The following WNK2 variants were observed in gnomAD, a reference collection of about 807,000 sequenced individuals.
WNK2 encodes WNK lysine deficient protein kinase 2, also known as serine/threonine-protein kinase WNK2.
Under a neutral mutation model 192.1 loss-of-function variants are expected in WNK2, and 67 were observed. That is an observed-to-expected ratio of 0.35 (90% CI 0.29 to 0.43). The LOEUF is 0.43. WNK2 is among the 20% of genes least tolerant of loss of function. WNK2 has a pLI of 1.00. For synonymous variants in WNK2, 1,439 were observed against 1,393.9 expected (o/e 1.03, Z -0.72); for missense variants, 2,698 against 3,089.7 (o/e 0.87, Z 3.01).
Position 93,229,377 on chromosome 9 carries a change from G to A in WNK2, c.682-319G>A, listed in dbSNP as rs1838350761. Among the ~76,000 whole-genome samples the A allele has an allele frequency of 6.6e-6, 1 of 152,238 alleles. No homozygotes were observed. The highest frequency in any genetic ancestry group is 2.1e-4 in the South Asian group (1 of 4,838). ...ACAAACACACAGAAAGTGAGTGATT[G>A]TGGAGGAGGCAAAGGCCTCAGAGGT... On this transcript the variant is annotated intron_variant, in intron 2 of 29. Coordinates refer to ENST00000427277, the MANE Select transcript of WNK2 (RefSeq NM_006648.4). This position sits in a 1 kb window ranked among gnomAD's most constrained non-coding sequence, Gnocchi z 4.9.
chr9:93,308,316 G>A lies in WNK2; in HGVS notation c.6260-12G>A, dbSNP rs1257937161. On this transcript the variant is annotated splice_polypyrimidine_tract_variant and intron_variant, in intron 27 of 29. Coordinates refer to ENST00000427277, the MANE Select transcript of WNK2 (RefSeq NM_006648.4). ...TGGCGTCACCAATCCTGGCCTGTGT[G>A]TGACTCCCCAGGGTCCTCCACCAGC... 1.3e-6 allele frequency: 2 copies of A among 1,551,088 alleles called. No individual in the cohort carries two copies. Among genetic ancestry groups the A allele is most frequent in the East Asian group, 2.4e-5 (1 of 40,984 alleles).
Position 93,253,007 on chromosome 9 carries a change from C to A in WNK2, c.1959C>A (p.Ser653Arg). 6.4e-7 allele frequency: 1 copy of A among 1,558,258 alleles called. No individual in the cohort carries two copies. The highest frequency in any genetic ancestry group is 1.4e-5 in the African/African-American group (1 of 73,350). Residue 653 changes from serine to arginine, a missense_variant, in exon 9 of 30, where the codon AGC becomes AGA. This residue lies in a region of WNK2 where 893 missense variants were observed against 909.0 expected (regional missense o/e 0.98). Coordinates refer to ENST00000427277, the MANE Select transcript of WNK2 (RefSeq NM_006648.4). ...AAPSPAQCVC[S>R]PPVSEGPVLP... ...CGTCCCCGGCCCAGTGTGTGTGCAG[C>A]CCCCCTGTGAGCGAGGGGCCCGTCC...
At position 93,259,249 on chromosome 9, in the gene WNK2, T is replaced by A. The variant is rs749765021; in HGVS notation, c.2701T>A (p.Ser901Thr). 7.4e-6 allele frequency: 12 copies of A among 1,613,342 alleles called. No homozygotes were observed. In the Admixed American group the frequency reaches 1.5e-4, roughly 20 times the overall value. Residue 901 changes from serine to threonine, a missense_variant, in exon 12 of 30, where the codon TCT becomes ACT. Transcript: ENST00000427277. This position sits in a 1 kb window ranked among gnomAD's most constrained non-coding sequence, Gnocchi z 4.8. The stretch of plus-strand genomic sequence containing the variant: ...GGGCGTGGCTGCCCTGTCCATTCAT[T>A]CTGCCGTGGCCCAGCTCCCAGGCCA... ...PPGVAALSIH[S>T]AVAQLPGQPV...
At chr9:93,318,828 G>A (rs984464294) in intron 29 of WNK2, 5 of 1,403,850 alleles carry the variant, frequency 3.6e-6, no homozygotes, top group Non-Finnish European at 4.6e-6. Context: ...ACAGCCCTTG[G>A]TGGGAGGGGA....
chr9:93,208,569 G>T (rs563185830), intron 2 of WNK2, among the ~76,000 whole-genome samples: 1 of 74,358 alleles, frequency 1.3e-5, no homozygotes, highest in South Asian at 4.8e-4. Flanking sequence ...TTTTGCACAC[G>T]TGTGTATTTG....
rs1163110742 is a variant in WNK2, at chr9:93,290,015, T to C, written c.4904T>C (p.Val1635Ala). 3.2e-6 allele frequency: 5 copies of C among 1,578,296 alleles called. No homozygotes were observed. The African/African-American group carries it at 6.7e-5, about 21-fold the overall frequency. ...GAACTGGCCCCCACTCGAGGGGCCG[T>C]GATGGAGCAGGGCACGTCCTCGTCA... is the stretch of plus-strand genomic sequence containing the variant. ...KSELAPTRGA[V>A]MEQGTSSSMT... Residue 1635 changes from valine (V) to alanine (A), a missense_variant, in exon 21 of 30, where the codon GTG (valine) becomes GCG (alanine). Transcript: ENST00000427277.
Position 93,288,770 on chromosome 9 carries a change from T to G in WNK2, c.4034-18T>G, listed in dbSNP as rs1564172952. 1.3e-6 allele frequency: 2 copies of G among 1,595,896 alleles called. No homozygotes were observed. Among genetic ancestry groups the G allele is most frequent in the Non-Finnish European group, 1.7e-6 (2 of 1,172,536 alleles). On this transcript the variant is annotated intron_variant, in intron 19 of 29. Coordinates refer to ENST00000427277, the MANE Select transcript of WNK2 (RefSeq NM_006648.4). The stretch of plus-strand genomic sequence containing the variant: ...CTGGAGTACCCTGGTACAAAGGCAT[T>G]TTCCCCATTTCTTCTAGATTCAGCG...
chr9:93,234,518 C>A (rs865939627), intron 4 of WNK2, among the ~76,000 whole-genome samples: 25 of 152,334 alleles, frequency 1.6e-4, no homozygotes, highest in Admixed American at 5.2e-4. Context: ...GGACCCCGTC[C>A]CCTGGGAAGT....
At chr9:93,211,293 C>CAT (rs1834633686) in intron 2 of WNK2, among the ~76,000 whole-genome samples, 19 of 130,392 alleles carry the variant, frequency 1.5e-4, no homozygotes, top group Middle Eastern at 4.1e-3. Flanking sequence ...CACTCATACA[C>CAT]TCAGTCACTC....
chr9:93,293,302 G>A (rs1343458532), intron 23 of WNK2, 129 bp downstream of exon 23: 3 of 855,626 alleles, frequency 3.5e-6, no homozygotes, highest in Non-Finnish European at 4.9e-6. Flanking sequence ...TGCCAAGCAG[G>A]GACAGGGGAG....
Position 93,262,114 on chromosome 9 carries a change from G to T in WNK2, c.3360+7G>T. The T allele has an allele frequency of 6.4e-7, 1 of 1,573,434 alleles. No homozygotes were observed. Among genetic ancestry groups the T allele is most frequent in the Non-Finnish European group, 8.7e-7 (1 of 1,154,208 alleles). On this transcript the variant is annotated splice_region_variant and intron_variant, in intron 13 of 29. Transcript: ENST00000427277. ...GGTGGAACCAGTCCAAGAGGTGTGTGCCCCTCCCCCCAGCCTGTCCCATGA... is the reference window on the plus strand; with the variant it reads ...GGTGGAACCAGTCCAAGAGGTGTGTTCCCCTCCCCCCAGCCTGTCCCATGA...
At chr9:93,317,698 T>G in intron 29 of WNK2, 67 bp downstream of exon 29, 1 of 1,555,970 alleles carries the variant, frequency 6.4e-7, no homozygotes, top group African/African-American at 1.4e-5. Context: ...AGAGGCCTGC[T>G]CCCAGCTCCA....
At chr9:93,260,800 G>T (rs575411753) in intron 12 of WNK2, among the ~76,000 whole-genome samples, 3 of 152,230 alleles carry the variant, frequency 2.0e-5, no homozygotes, top group Non-Finnish European at 4.4e-5. Flanking sequence ...GCAGGTTTCA[G>T]CGGCAGCTCA....
At chr9:93,225,904 C>G (rs1837724162) in intron 2 of WNK2, among the ~76,000 whole-genome samples, 3 of 111,088 alleles carry the variant, frequency 2.7e-5, no homozygotes, top group African/African-American at 1.1e-4. Context: ...GCATGTCTTT[C>G]TGTTGTGTTA....
intron 26 of WNK2, among the ~76,000 whole-genome samples, chr9:93,306,422 C>A (rs1238838266): frequency 6.6e-6 from 1 of 152,232 alleles, no homozygotes; most frequent in Non-Finnish European, 1.5e-5. Flanking sequence ...AGTGGGGCTC[C>A]CAGAAGCCTG....
chr9:93,232,400 T>A (rs140299815), intron 4 of WNK2, among the ~76,000 whole-genome samples: 24 of 152,250 alleles, frequency 1.6e-4, no homozygotes, highest in African/African-American at 5.8e-4. Context: ...CTCCACTCCC[T>A]CCTGGAGGGG....
At chr9:93,233,288 C>T (rs866746944) in intron 4 of WNK2, among the ~76,000 whole-genome samples, 1 of 152,048 alleles carries the variant, frequency 6.6e-6, no homozygotes, top group South Asian at 2.1e-4. Context: ...TTCCCGGCGT[C>T]AGGCCCCTCC....
chr9:93,318,730 T>C lies in WNK2; in HGVS notation c.6628+1099T>C, dbSNP rs894449685. On this transcript the variant is annotated intron_variant, in intron 29 of 29. Coordinates refer to ENST00000427277, the MANE Select transcript of WNK2 (RefSeq NM_006648.4). ...CTCACCCCTGGCATGCAGACCGCTC[T>C]CCCGTCCAGCCCTAAGCCTGCTCTG... The C allele has an allele frequency of 8.3e-6, 12 of 1,438,672 alleles. No homozygotes were observed. The Admixed American group carries it at 1.3e-4, about 16-fold the overall frequency. The allele number at this position is 1,438,672 out of a possible 1,614,324, so 89.1% of individuals were successfully genotyped here. A position where few individuals can be genotyped will look rare whatever the true frequency, so the allele number is the denominator to read the frequency against.
chr9:93,190,637 C>T (rs912844117), intron 2 of WNK2, among the ~76,000 whole-genome samples: 11 of 152,370 alleles, frequency 7.2e-5, no homozygotes, highest in East Asian at 5.8e-4. Context: ...CATGCCCTCC[C>T]GCAGCACTGG....
Sources: allele counts gnomAD v4.1 joint callset (sites outside exome capture counted in the v4.1 genomes callset), GRCh38; gene constraint gnomAD v4.1.1; regional missense constraint gnomAD v4.1.1; non-coding constraint Gnocchi (gnomAD v3.1); transcripts MANE v1.5; gene names NCBI Gene and HGNC (gene_info 2026-07-23, HGNC 2026-07-21).